STAB2: variants seen among roughly 807,000 people sequenced by gnomAD.
STAB2 encodes stabilin-2.
In STAB2, 288 loss-of-function variants were observed where a neutral mutation model predicts 338.1. The observed-to-expected ratio is 0.85, with a 90% CI of 0.77 to 0.94. STAB2 has a LOEUF of 0.94. STAB2 is among the 40% of genes least tolerant of loss of function. The pLI is 0.00. For synonymous variants in STAB2, 1,202 were observed against 1,193.3 expected, an observed-to-expected ratio of 1.01 and a Z score of -0.15; for missense variants, 3,141 against 3,210.1, an observed-to-expected ratio of 0.98 and a Z score of 0.52.
chr12:103,667,201 A>G (rs1028612048), intron 19 of STAB2, among the ~76,000 whole-genome samples: 2 of 152,220 alleles, frequency 1.3e-5, no homozygotes, highest in African/African-American at 4.8e-5. Flanking sequence ...TTAAAATTAA[A>G]TAGATGCAGG....
chr12:103,719,604 A>G (rs935242668), intron 44 of STAB2, among the ~76,000 whole-genome samples: 5 of 152,092 alleles, frequency 3.3e-5, no homozygotes, highest in African/African-American at 1.2e-4. Flanking sequence ...CCATCTTCAC[A>G]TGGCCTTCAC....
At position 103,708,442 on chromosome 12, in the gene STAB2, A is replaced by G; in HGVS notation, c.4194A>G (p.Ala1398=). The part of the protein sequence containing the change: ...EGKYGIHCDQ[A]CSCVHGRCNQ... The stretch of plus-strand genomic sequence containing the variant: ...TTTGCAGGTGATTTTCCCACTTAGC[A>G]TGTTCTTGTGTCCATGGGAGATGCA... The change falls in exon 39 of 69, where the codon GCA becomes GCG. Residue 1398 remains alanine, a splice_region_variant and synonymous_variant. Transcript: ENST00000388887. 1 of 1,614,002 alleles carries G rather than the reference A, an allele frequency of 6.2e-7. No homozygotes were observed. Among genetic ancestry groups the G allele is most frequent in the Non-Finnish European group, 8.5e-7 (1 of 1,179,908 alleles).
At chr12:103,734,358 C>T in intron 51 of STAB2, among the ~76,000 whole-genome samples, 1 of 146,106 alleles carries the variant, frequency 6.8e-6, no homozygotes, top group African/African-American at 2.5e-5. Context: ...TGCACAGTCT[C>T]ATAGGAACAA....
Position 103,668,632 on chromosome 12 carries a change from G to A in STAB2, c.2086-11G>A. On this transcript the variant is annotated splice_polypyrimidine_tract_variant and intron_variant, in intron 19 of 68. Coordinates refer to ENST00000388887, the MANE Select transcript of STAB2 (RefSeq NM_017564.10). ...CTGACTGCCATGCTTTCCCTCCTTG[G>A]CTTTCTCCAGGCACTCTTCACACAC... is the stretch of plus-strand genomic sequence containing the variant. 1 of 1,551,240 alleles carries A rather than the reference G, an allele frequency of 6.4e-7. No homozygotes were observed. The highest frequency in any genetic ancestry group is 8.7e-7 in the Non-Finnish European group (1 of 1,146,990).
intron 3 of STAB2, among the ~76,000 whole-genome samples, chr12:103,611,712 A>C (rs928988132): frequency 6.6e-6 from 1 of 152,110 alleles, no homozygotes; most frequent in African/African-American, 2.4e-5. Flanking sequence ...GTTATGTGTG[A>C]ATTTGATCCT....
rs1340739780 is a variant in STAB2, at chr12:103,749,176, G to T, written c.6438+20G>T. ...GGCCCGGTGAGTCGCTCTTTCCCAG[G>T]GAAATTTGGGAGCAGCGCCGTGGGC... On this transcript the variant is annotated intron_variant, in intron 59 of 68. Transcript: ENST00000388887. The T allele has an allele frequency of 1.3e-6, 2 of 1,581,214 alleles. No homozygotes were observed. Among genetic ancestry groups the T allele is most frequent in the Non-Finnish European group, 1.7e-6 (2 of 1,158,020 alleles).
chr12:103,632,462 C>T (rs1957478484), intron 6 of STAB2, among the ~76,000 whole-genome samples: 1 of 152,184 alleles, frequency 6.6e-6, no homozygotes, highest in African/African-American at 2.4e-5. Flanking sequence ...CACTGGACCA[C>T]AGTCACCTAG....
chr12:103,742,441 G>T lies in STAB2; in HGVS notation c.5918G>T (p.Arg1973Leu). 1 of 1,614,060 alleles carries T rather than the reference G, an allele frequency of 6.2e-7. No homozygotes were observed. The highest frequency in any genetic ancestry group is 8.5e-7 in the Non-Finnish European group (1 of 1,179,978). Residue 1973 changes from arginine to leucine, a missense_variant, in exon 56 of 69, where the codon CGG becomes CTG. Transcript: ENST00000388887. ...GGACCAGATGCCCCGTGTAATAACC[G>T]GGGTGTCTGCCTTGATCAGTACTCG... ...PGGPDAPCNN[R>L]GVCLDQYSAT... is the part of the protein sequence containing the mutation.
chr12:103,589,064 T>C (rs1482400958), intron 1 of STAB2, among the ~76,000 whole-genome samples: 1 of 152,222 alleles, frequency 6.6e-6, no homozygotes, highest in Non-Finnish European at 1.5e-5. Flanking sequence ...TCAGTTTTCT[T>C]CCAGCTAAAA....
intron 18 of STAB2, 42 bp from the exon 19 acceptor site, chr12:103,666,249 C>T (rs1490505558): frequency 6.2e-7 from 1 of 1,600,444 alleles, no homozygotes; most frequent in Non-Finnish European, 8.6e-7. Context: ...ACTGCTCCCT[C>T]TCATAGGGAC....
rs1874491223 is a variant in STAB2, at chr12:103,660,207, T to C, written c.1735-124T>C. The C allele has an allele frequency of 5.8e-6, 6 of 1,032,778 alleles. No individual in the cohort carries two copies. In the South Asian group the frequency reaches 8.1e-5, roughly 14 times the overall value. The allele number at this position is 1,032,778 out of a possible 1,614,324, so 64.0% of individuals were successfully genotyped here. On this transcript the variant is annotated intron_variant, in intron 15 of 68. Coordinates refer to ENST00000388887, the MANE Select transcript of STAB2 (RefSeq NM_017564.10). Reference sequence around the variant, plus strand: ...TTTGGAGGTGGGGTTTCTCTCACCCTGGATTTCCCAATAGATTATGGGTCA... The same window carrying C: ...TTTGGAGGTGGGGTTTCTCTCACCCCGGATTTCCCAATAGATTATGGGTCA...
At chr12:103,708,684 TAAAG>T (rs777230725) in intron 39 of STAB2, 148 bp downstream of exon 39, 28 of 734,132 alleles carry the variant, frequency 3.8e-5, no homozygotes, top group South Asian at 1.2e-4. Flanking sequence ...GTTTGTAAAA[TAAAG>T]AAAAGCAGAA....
intron 9 of STAB2, among the ~76,000 whole-genome samples, chr12:103,640,853 A>T (rs1872876147): frequency 6.6e-6 from 1 of 152,168 alleles, no homozygotes; most frequent in South Asian, 2.1e-4. Flanking sequence ...AAGTGGCACC[A>T]TATCTCTGGC....
intron 61 of STAB2, among the ~76,000 whole-genome samples, chr12:103,754,348 A>C (rs1344541244): frequency 6.6e-6 from 1 of 152,106 alleles, no homozygotes; most frequent in Non-Finnish European, 1.5e-5. Context: ...AAAGATCTGG[A>C]ATAGTAGACC....
intron 49 of STAB2, among the ~76,000 whole-genome samples, chr12:103,730,494 A>G (rs895311586): frequency 7.9e-5 from 12 of 152,238 alleles, no homozygotes; most frequent in African/African-American, 2.9e-4. Flanking sequence ...GTAGTCTTAC[A>G]TAGGTTTAGA....
chr12:103,711,361 C>G, intron 39 of STAB2, 110 bp from the exon 40 acceptor site: 1 of 1,421,998 alleles, frequency 7.0e-7, no homozygotes, highest in South Asian at 1.2e-5. Context: ...ATATCGCTCA[C>G]ATGATACATA....
chr12:103,589,646 G>A (rs1342506873), intron 1 of STAB2, among the ~76,000 whole-genome samples: 1 of 152,236 alleles, frequency 6.6e-6, no homozygotes, highest in Non-Finnish European at 1.5e-5. Context: ...GCCACAGGAA[G>A]AGTAGAAGTT....
In STAB2 at chr12:103,689,052, G is replaced by A. The variant is rs550205065; in HGVS notation, c.3046-794G>A. Among the ~76,000 whole-genome samples the A allele has an allele frequency of 2.7e-4, 41 of 151,500 alleles. No homozygotes were observed. In the South Asian group the frequency reaches 8.6e-3, roughly 32 times the overall value. ...TCCTGGAGATCCAGTTGTTAAACAT[G>A]CCACTGCTTCTACCAAAAACTGGCT... On this transcript the variant is annotated intron_variant, in intron 28 of 68. Transcript: ENST00000388887.
intron 27 of STAB2, 110 bp from the exon 28 acceptor site, chr12:103,688,058 G>C (rs1378596322): frequency 2.9e-6 from 3 of 1,046,736 alleles, no homozygotes; most frequent in Non-Finnish European, 4.4e-6. Flanking sequence ...CCTAGCCCCA[G>C]GAAGGCTGAG....
Sources: allele counts gnomAD v4.1 joint callset (sites outside exome capture counted in the v4.1 genomes callset), GRCh38; gene constraint gnomAD v4.1.1; transcripts MANE v1.5; gene names NCBI Gene and HGNC (gene_info 2026-07-23, HGNC 2026-07-21).